The following C8A variants were observed in gnomAD, a reference collection of about 807,000 sequenced individuals.
The protein encoded by C8A is complement C8 alpha chain.
Under a neutral mutation model 65.3 loss-of-function variants are expected in C8A, and 67 were observed. That is an observed-to-expected ratio of 1.03 (90% CI 0.84 to 1.26). The LOEUF (loss-of-function observed/expected upper bound fraction) is 1.26. C8A is among the 50% of genes most tolerant of loss of function. The probability of loss-of-function intolerance (pLI) is 0.00; values close to 1 mark genes in which losing one functional copy is unlikely to be tolerated. For missense variants in C8A, 781 were observed against 723.9 expected (o/e 1.08, Z -0.90); for synonymous variants, 290 against 259.4 (o/e 1.12, Z -1.13).
chr1:56,855,064 C>A, intron 1 of C8A, 86 bp downstream of exon 1: 1 of 1,007,530 alleles, frequency 9.9e-7, no homozygotes, highest in Non-Finnish European at 1.6e-6. Flanking sequence ...GCAGCAGAGG[C>A]TGTGTTAGAA....
chr1:56,877,064 A>G (rs893078986), intron 4 of C8A, among the ~76,000 whole-genome samples: 3 of 152,158 alleles, frequency 2.0e-5, no homozygotes, highest in Admixed American at 6.5e-5. Flanking sequence ...ACAAAGATAT[A>G]CCAGCGATCT....
At chr1:56,880,659 T>C (rs1644240106) in intron 4 of C8A, among the ~76,000 whole-genome samples, 1 of 152,076 alleles carries the variant, frequency 6.6e-6, no homozygotes, top group Admixed American at 6.6e-5. Flanking sequence ...CATCCAATAT[T>C]TCAAAGTTTT....
chr1:56,870,172 A>G (rs1159397995), intron 2 of C8A, among the ~76,000 whole-genome samples: 1 of 152,012 alleles, frequency 6.6e-6, no homozygotes, highest in Non-Finnish European at 1.5e-5. Flanking sequence ...AACAACAGAA[A>G]TGTATTCTCT....
chr1:56,883,418 T>G, intron 5 of C8A, 63 bp from the exon 6 acceptor site: 2 of 1,394,740 alleles, frequency 1.4e-6, no homozygotes, highest in South Asian at 2.4e-5. Flanking sequence ...ATTTAAGTAT[T>G]AAATATGAAT....
intron 9 of C8A, among the ~76,000 whole-genome samples, chr1:56,909,546 C>T (rs1644490713): frequency 6.6e-6 from 1 of 152,154 alleles, no homozygotes; most frequent in Non-Finnish European, 1.5e-5. Flanking sequence ...AGGAGTAATA[C>T]ATAAACTTTC....
chr1:56,891,564 T>G (rs1644345646), intron 7 of C8A, among the ~76,000 whole-genome samples: 2 of 152,118 alleles, frequency 1.3e-5, no homozygotes, highest in Admixed American at 6.5e-5. Flanking sequence ...GATGTCCAGG[T>G]GAGGAATAAA....
intron 9 of C8A, among the ~76,000 whole-genome samples, chr1:56,911,577 G>A (rs992469468): frequency 1.3e-5 from 2 of 152,192 alleles, no homozygotes; most frequent in Non-Finnish European, 2.9e-5. Context: ...CAACTGGAAG[G>A]GGGCTGCTGG....
At chr1:56,902,899 A>T (rs2101288459) in intron 7 of C8A, among the ~76,000 whole-genome samples, 1 of 152,278 alleles carries the variant, frequency 6.6e-6, no homozygotes, top group Non-Finnish European at 1.5e-5. Flanking sequence ...GCATTTTTGC[A>T]CACAGCTCTG....
At chr1:56,898,207 G>T (rs996886170) in intron 7 of C8A, among the ~76,000 whole-genome samples, 1 of 152,142 alleles carries the variant, frequency 6.6e-6, no homozygotes, top group Non-Finnish European at 1.5e-5. Flanking sequence ...GGGCATAAAT[G>T]AGAACAATCT....
rs557450862 is a variant in C8A at position 56,875,010 on chromosome 1, T to C, written c.233T>C (p.Ile78Thr). The change falls in exon 3 of 11, where the codon ATC becomes ACC. Residue 78 changes from isoleucine (I) to threonine (T), a missense_variant. By Grantham distance (89) the Ile-to-Thr change is moderately conservative. Coordinates refer to ENST00000361249, the MANE Select transcript of C8A (RefSeq NM_000562.3). ...GGGGGAACCATCTGCAGTGGTGACA[T>C]CTGGGATCAAGCCAGCTGCTCCAGT... ...KFGGTICSGDIWDQASCSSST... is the reference protein window; with the variant it reads ...KFGGTICSGDTWDQASCSSST... 1 of 1,613,786 alleles carries C rather than the reference T, an allele frequency of 6.2e-7. No homozygotes were observed. Among genetic ancestry groups the C allele is most frequent in the African/African-American group, 1.3e-5 (1 of 75,026 alleles).
At chr1:56,867,723 T>A (rs1462712321) in intron 2 of C8A, 21 bp downstream of exon 2, 2 of 1,566,750 alleles carry the variant, frequency 1.3e-6, no homozygotes, top group African/African-American at 2.7e-5. Context: ...TACAACCGGT[T>A]TGGGGGCATT....
At chr1:56,902,552 G>C (rs1241170755) in intron 7 of C8A, among the ~76,000 whole-genome samples, 1 of 152,090 alleles carries the variant, frequency 6.6e-6, no homozygotes, top group Non-Finnish European at 1.5e-5. Flanking sequence ...AACTTTAACA[G>C]TACAATACAG....
Position 56,883,492 on chromosome 1 carries a change from T to C in C8A, c.666T>C (p.Asp222=). 1 of 1,613,386 alleles carries C rather than the reference T, an allele frequency of 6.2e-7. No individual in the cohort carries two copies. The highest frequency in any genetic ancestry group is 2.2e-5 in the East Asian group (1 of 44,862). ...CTTTTTTTTTTCAGGCCCTGGCAGA[T>C]ACTGGAATCTCCTCAGAGTTTTATG... ...FLKYHFEALA[D]TGISSEFYDN... is the part of the protein sequence containing the mutation. Residue 222 remains aspartate, a synonymous_variant, in exon 6 of 11, where the codon GAT becomes GAC. Transcript: ENST00000361249.
intron 4 of C8A, among the ~76,000 whole-genome samples, chr1:56,877,389 A>T (rs1479130338): frequency 6.6e-6 from 1 of 151,556 alleles, no homozygotes; most frequent in Non-Finnish European, 1.5e-5. Context: ...GCTCCCAGAG[A>T]CTCCTGCAAG....
chr1:56,892,126 C>T (rs549604927), intron 7 of C8A, among the ~76,000 whole-genome samples: 1 of 152,082 alleles, frequency 6.6e-6, no homozygotes, highest in East Asian at 2.0e-4. Flanking sequence ...GAATCCCTAC[C>T]CATATTTTCA....
chr1:56,916,857 T>C (rs1442169020), intron 10 of C8A, among the ~76,000 whole-genome samples: 1 of 152,220 alleles, frequency 6.6e-6, no homozygotes, highest in Non-Finnish European at 1.5e-5. Context: ...GGTCAGTGCA[T>C]GTGTTCAGAT....
At chr1:56,868,440 C>T (rs999710142) in intron 2 of C8A, among the ~76,000 whole-genome samples, 1 of 151,604 alleles carries the variant, frequency 6.6e-6, no homozygotes, top group Non-Finnish European at 1.5e-5. Context: ...AAGACTTAGT[C>T]TCTACAAAAA....
rs1349498000 is a variant in C8A at position 56,912,491 on chromosome 1, A to G, written c.1469A>G (p.Tyr490Cys). The change falls in exon 10 of 11, where the codon TAT (tyrosine) becomes TGT (cysteine). Residue 490 changes from tyrosine to cysteine, a missense_variant. Transcript: ENST00000361249. ...AACCTGCGCCGCGCCTTGGACCAGTATCTGATGGAATTCAATGCCTGCCGA... is the reference window on the plus strand; with the variant it reads ...AACCTGCGCCGCGCCTTGGACCAGTGTCTGATGGAATTCAATGCCTGCCGA... ...RQNLRRALDQ[Y>C]LMEFNACRCG... The G allele has an allele frequency of 1.2e-6, 2 of 1,614,230 alleles. No individual in the cohort carries two copies. Among genetic ancestry groups the G allele is most frequent in the South Asian group, 1.1e-5 (1 of 91,082 alleles).
intron 7 of C8A, among the ~76,000 whole-genome samples, chr1:56,899,167 A>G (rs762539018): frequency 6.6e-6 from 1 of 152,128 alleles, no homozygotes; most frequent in Non-Finnish European, 1.5e-5. Context: ...TCATCTGCAT[A>G]TACATGGAAC....
Sources: gnomAD v4.1 joint callset for allele counts (sites outside exome capture counted in the v4.1 genomes callset) on GRCh38, gnomAD v4.1.1 for gene constraint, MANE v1.5 for transcripts, NCBI Gene and HGNC (gene_info 2026-07-23, HGNC 2026-07-21) for gene names.